Variants in DST observed in about 807,000 individuals in gnomAD.
DST encodes the protein dystonin, also known as bullous pemphigoid antigen.
Under a neutral mutation model 875.2 loss-of-function variants are expected in DST, and 253 were observed. The ratio of observed to expected loss-of-function variants is 0.29; its 90% CI spans 0.26 to 0.32. DST has a LOEUF of 0.32. Among genes scored for constraint, DST ranks in the 10% least tolerant of loss-of-function variants. The pLI, the probability that DST is intolerant of heterozygous loss-of-function variation, is 1.00. For missense variants in DST, 8,287 were observed against 9,111.6 expected (o/e 0.91, Z 3.68); for synonymous variants, 3,124 against 3,197.1 (o/e 0.98, Z 0.77).
intron 74 of DST, among the ~76,000 whole-genome samples, chr6:56,509,007 C>G (rs1047564768): frequency 1.3e-5 from 2 of 152,048 alleles, no homozygotes; most frequent in Admixed American, 1.3e-4. Context: ...AGAGTAGAAC[C>G]AAGTTTATCA....
chr6:56,562,697 C>A (rs1370010054), intron 55 of DST, among the ~76,000 whole-genome samples: 1 of 151,830 alleles, frequency 6.6e-6, no homozygotes, highest in Non-Finnish European at 1.5e-5. Context: ...ACCCGTCAAC[C>A]CATTATCTAC....
chr6:56,575,920 T>C (rs1486036918), intron 50 of DST, among the ~76,000 whole-genome samples: 4 of 152,052 alleles, frequency 2.6e-5, no homozygotes, highest in African/African-American at 9.7e-5. Flanking sequence ...AGGTGACGCC[T>C]GGTGGCCTCC....
intron 86 of DST, among the ~76,000 whole-genome samples, chr6:56,489,047 T>C (rs2095655499): frequency 6.6e-6 from 1 of 152,176 alleles, no homozygotes; most frequent in South Asian, 2.1e-4. Flanking sequence ...GGTACAAGCA[T>C]CCAATTTTTC....
At chr6:56,700,095 G>C (rs557352907) in intron 8 of DST, among the ~76,000 whole-genome samples, 14 of 152,322 alleles carry the variant, frequency 9.2e-5, no homozygotes, top group African/African-American at 3.1e-4. Flanking sequence ...ATCAGCCACT[G>C]CATTAGATTC....
chr6:56,546,883 T>G (rs2097238644), intron 61 of DST, among the ~76,000 whole-genome samples: 1 of 152,144 alleles, frequency 6.6e-6, no homozygotes, highest in South Asian at 2.1e-4. Flanking sequence ...ATACCGCAGT[T>G]TGGCTGTTTT....
At chr6:56,578,757 G>T in intron 50 of DST, 57 bp downstream of exon 50, 1 of 1,580,326 alleles carries the variant, frequency 6.3e-7, no homozygotes, top group Non-Finnish European at 8.6e-7. Context: ...TATCTATTAG[G>T]ACACCTTTCT....
At chr6:56,635,091 C>T in intron 24 of DST, 138 bp from the exon 25 acceptor site, 1 of 695,346 alleles carries the variant, frequency 1.4e-6, no homozygotes, top group South Asian at 1.9e-5. Context: ...TTTCCTCCTC[C>T]ACCCCATCTT....
chr6:56,731,556 T>C (rs1409809936), intron 5 of DST, among the ~76,000 whole-genome samples: 4 of 152,236 alleles, frequency 2.6e-5, no homozygotes, highest in East Asian at 1.9e-4. Context: ...CATCTGCAAA[T>C]AGAGATGGTT....
intron 67 of DST, 116 bp from the exon 68 acceptor site, chr6:56,527,850 C>A: frequency 9.2e-7 from 1 of 1,086,166 alleles, no homozygotes; most frequent in Non-Finnish European, 1.2e-6. Flanking sequence ...AGACATTTTT[C>A]TAAAGATAAT....
At chr6:56,581,323 G>A (rs2097985314) in intron 49 of DST, among the ~76,000 whole-genome samples, 1 of 151,848 alleles carries the variant, frequency 6.6e-6, no homozygotes, top group Admixed American at 6.6e-5. Flanking sequence ...TAAGTGATGG[G>A]GAGAGAAGAA....
intron 3 of DST, among the ~76,000 whole-genome samples, chr6:56,897,375 A>C (rs1308438255): frequency 6.6e-6 from 1 of 151,692 alleles, no homozygotes; most frequent in Non-Finnish European, 1.5e-5. Flanking sequence ...TCTATTGCCA[A>C]GGCTGGAGTG....
chr6:56,728,973 TACACACACACACACACACACACAC>T lies in DST; in HGVS notation c.687+6231_687+6254del, dbSNP rs35066414. ...CCTCAAGTGGTTCAGATAAAAAAAGTACACACACACACACACACACACACACACACACACACACACGACTGGGGA... is the reference window on the plus strand; with the variant it reads ...CCTCAAGTGGTTCAGATAAAAAAAGTACACACACACACACACGACTGGGGA... On this transcript the variant is annotated intron_variant, in intron 5 of 103. Transcript: ENST00000680361. Among the ~76,000 whole-genome samples, 19 of 132,098 alleles carry T rather than the reference TACACACACACACACACACACACAC, an allele frequency of 1.4e-4. No individual in the cohort carries two copies. In the South Asian group the frequency reaches 4.8e-3, roughly 34 times the overall value. The allele number at this position is 132,098 out of a possible 152,430, so 86.7% of individuals were successfully genotyped here. A position where few individuals can be genotyped will look rare whatever the true frequency, so the allele number is the denominator to read the frequency against.
At position 56,535,265 on chromosome 6, in the gene DST, C is replaced by G. The variant is rs2096973000; in HGVS notation, c.16798G>C (p.Glu5600Gln). 6.3e-7 allele frequency: 1 copy of G among 1,598,670 alleles called. No individual in the cohort carries two copies. Among genetic ancestry groups the G allele is most frequent in the Non-Finnish European group, 8.5e-7 (1 of 1,175,270 alleles). Residue 5600 changes from glutamate to glutamine, a missense_variant, in exon 63 of 104, where the codon GAG becomes CAG. Physicochemically the swap from Glu to Gln is conservative, Grantham distance 29. This residue lies in a region of DST where 777 missense variants were observed against 764.8 expected (regional missense o/e 1.02). Coordinates refer to ENST00000680361, the MANE Select transcript of DST (RefSeq NM_001374736.1). ...KVAQRAAQLQ[E>Q]ALLHCGRFQD... ...AACCTCCCACAGTGCAGCAAGGCCT[C>G]CTGCAGCTGGGCTGCTCGCTGAGCC...
At chr6:56,547,979 T>C (rs919174881) in intron 61 of DST, among the ~76,000 whole-genome samples, 5 of 152,226 alleles carry the variant, frequency 3.3e-5, no homozygotes, top group African/African-American at 1.2e-4. Flanking sequence ...GGAGATGTAC[T>C]CATTTGTGGG....
intron 15 of DST, among the ~76,000 whole-genome samples, chr6:56,643,536 A>G (rs993296871): frequency 6.6e-6 from 1 of 152,184 alleles, no homozygotes; most frequent in Non-Finnish European, 1.5e-5. Context: ...AGGATATTAC[A>G]TGGCATAAGA....
Position 56,631,306 on chromosome 6 carries a change from T to A in DST, c.4047A>T (p.Ala1349=), listed in dbSNP as rs1451720132. The change falls in exon 30 of 104, where the codon GCA becomes GCT. Residue 1349 remains alanine (A), a synonymous_variant. Transcript: ENST00000680361. The part of the protein sequence containing the change: ...NKCEEFFSQA[A]ASSSVPTLRS... Reference sequence around the variant, plus strand: ...GTAGGGTAGGGACTGATGAAGAGGCTGCTGCTTGACTGAAAAACTCCTCAC... The same window carrying A: ...GTAGGGTAGGGACTGATGAAGAGGCAGCTGCTTGACTGAAAAACTCCTCAC... 1.2e-6 allele frequency: 2 copies of A among 1,614,044 alleles called. No homozygotes were observed. The highest frequency in any genetic ancestry group is 2.2e-5 in the South Asian group (2 of 91,076).
At chr6:56,875,015 G>A (rs996645463) in intron 3 of DST, among the ~76,000 whole-genome samples, 4 of 152,220 alleles carry the variant, frequency 2.6e-5, no homozygotes, top group African/African-American at 7.2e-5. Context: ...ATGGAGTCTC[G>A]CTCTGTCGCC....
chr6:56,901,412 A>G (rs372695029), intron 2 of DST, among the ~76,000 whole-genome samples: 7 of 152,210 alleles, frequency 4.6e-5, no homozygotes, highest in East Asian at 3.8e-4. Flanking sequence ...CCTGGCCAAC[A>G]TGGCGAAACC....
chr6:56,943,978 G>C (rs144693901), intron 2 of DST, among the ~76,000 whole-genome samples: 1 of 151,926 alleles, frequency 6.6e-6, no homozygotes, highest in Non-Finnish European at 1.5e-5. Flanking sequence ...TTAGCTGGGC[G>C]TGGTGGTGAG....
Sources: gnomAD v4.1 joint callset for allele counts (sites outside exome capture counted in the v4.1 genomes callset) on GRCh38, gnomAD v4.1.1 for gene constraint, gnomAD v4.1.1 regional missense constraint, MANE v1.5 for transcripts, NCBI Gene and HGNC (gene_info 2026-07-23, HGNC 2026-07-21) for gene names.